Variants in CARMIL1 observed in about 807,000 individuals in gnomAD.
CARMIL1 encodes the protein capping protein regulator and myosin 1 linker 1.
A neutral mutation model predicts 177.1 loss-of-function variants in CARMIL1; 90 were observed. That is an observed-to-expected ratio of 0.51 (90% CI 0.43 to 0.61). The LOEUF is 0.61. CARMIL1 is among the 20% of genes least tolerant of loss of function. The pLI, the probability that CARMIL1 is intolerant of heterozygous loss-of-function variation, is 0.00. For missense variants in CARMIL1, 1,380 were observed against 1,667.0 expected (o/e 0.83, Z 3.00); for synonymous variants, 577 against 606.2 (o/e 0.95, Z 0.71).
intron 2 of CARMIL1, among the ~76,000 whole-genome samples, chr6:25,365,023 C>T (rs763381849): frequency 9.2e-5 from 14 of 152,174 alleles, no homozygotes; most frequent in Non-Finnish European, 1.5e-4. Flanking sequence ...CTGTTTCTAC[C>T]AACACAGTTC....
At chr6:25,562,223 T>C (rs1372697397) in intron 29 of CARMIL1, among the ~76,000 whole-genome samples, 1 of 151,930 alleles carries the variant, frequency 6.6e-6, no homozygotes, top group Non-Finnish European at 1.5e-5. Context: ...TCCAGGGAGC[T>C]TCCAGAGATC....
intron 26 of CARMIL1, among the ~76,000 whole-genome samples, chr6:25,543,493 A>G (rs1206523): frequency 0.45 from 68,017 of 151,858 alleles, 15,416 homozygotes; most frequent in East Asian, 0.49. Flanking sequence ...TGATCCTAAC[A>G]TTCATTCCTG....
At chr6:25,282,072 G>A (rs1781162071) in intron 1 of CARMIL1, among the ~76,000 whole-genome samples, 3 of 131,146 alleles carry the variant, frequency 2.3e-5, no homozygotes, top group African/African-American at 5.9e-5. Flanking sequence ...CCGAGATCAA[G>A]CCATTTCATT....
chr6:25,345,425 G>A (rs193047304), intron 2 of CARMIL1, among the ~76,000 whole-genome samples: 1 of 152,182 alleles, frequency 6.6e-6, no homozygotes, highest in Admixed American at 6.5e-5. Flanking sequence ...TTTGTAGCCT[G>A]GATCTCTCTC....
intron 2 of CARMIL1, among the ~76,000 whole-genome samples, chr6:25,301,728 T>G (rs1324054567): frequency 1.3e-5 from 2 of 152,200 alleles, no homozygotes; most frequent in Non-Finnish European, 2.9e-5. Flanking sequence ...TTAAAAACTT[T>G]CTGTATGTGA....
chr6:25,414,036 T>C (rs1364636459), intron 2 of CARMIL1, among the ~76,000 whole-genome samples: 1 of 152,236 alleles, frequency 6.6e-6, no homozygotes, highest in Non-Finnish European at 1.5e-5. Flanking sequence ...GAAGAGCTGG[T>C]GTTTAGCAAA....
chr6:25,583,993 A>G (rs1183711694), intron 31 of CARMIL1, among the ~76,000 whole-genome samples: 2 of 149,398 alleles, frequency 1.3e-5, no homozygotes, highest in Non-Finnish European at 3.0e-5. Flanking sequence ...GAAAGAGATA[A>G]TCTTATGTAC....
chr6:25,593,075 C>G (rs1471651462), intron 31 of CARMIL1, among the ~76,000 whole-genome samples: 2 of 152,094 alleles, frequency 1.3e-5, no homozygotes, highest in South Asian at 2.1e-4. Flanking sequence ...TCCCACAATA[C>G]CTCAAACACT....
At chr6:25,543,594 G>A (rs922616554) in intron 26 of CARMIL1, among the ~76,000 whole-genome samples, 57 of 152,110 alleles carry the variant, frequency 3.7e-4, no homozygotes, top group African/African-American at 1.2e-3. Flanking sequence ...TAGGGTATTT[G>A]TGTTGGCCTA....
chr6:25,474,365 T>A (rs771880361), intron 11 of CARMIL1, among the ~76,000 whole-genome samples: 28 of 152,202 alleles, frequency 1.8e-4, no homozygotes, highest in Admixed American at 4.6e-4. Context: ...TCCACCCACC[T>A]CGGCCTCCCA....
intron 8 of CARMIL1, among the ~76,000 whole-genome samples, chr6:25,453,549 T>G (rs1165298847): frequency 1.3e-5 from 2 of 152,124 alleles, no homozygotes; most frequent in Non-Finnish European, 2.9e-5. Context: ...GAGCTAAAAT[T>G]TAATAAAATG....
At chr6:25,520,733 G>T (rs1370855507) in intron 23 of CARMIL1, among the ~76,000 whole-genome samples, 1 of 151,986 alleles carries the variant, frequency 6.6e-6, no homozygotes, top group Non-Finnish European at 1.5e-5. Context: ...GAGTATTCCT[G>T]AGCTCTCACT....
In CARMIL1 at chr6:25,408,858, G is replaced by A. The variant is rs562033681; in HGVS notation, c.139-11256G>A. Among the ~76,000 whole-genome samples the A allele has an allele frequency of 2.8e-4, 42 of 151,896 alleles. 1 individual carries two copies. The highest frequency in any genetic ancestry group is 9.7e-4 in the African/African-American group (40 of 41,410). On this transcript the variant is annotated intron_variant, in intron 2 of 36. Coordinates refer to ENST00000329474, the MANE Select transcript of CARMIL1 (RefSeq NM_017640.6). ...AAAAAAGATTTTGAGCCAGGTATTAGCCTCACCTATGAATGAAGTTCAGCA... is the reference window on the plus strand; with the variant it reads ...AAAAAAGATTTTGAGCCAGGTATTAACCTCACCTATGAATGAAGTTCAGCA...
At chr6:25,334,148 AT>A (rs919963199) in intron 2 of CARMIL1, among the ~76,000 whole-genome samples, 2 of 152,188 alleles carry the variant, frequency 1.3e-5, no homozygotes, top group African/African-American at 4.8e-5. Flanking sequence ...AAGATGAGAA[AT>A]TTGTTAGGTA....
intron 29 of CARMIL1, among the ~76,000 whole-genome samples, chr6:25,566,007 CTTTCTA>C (rs1460570371): frequency 6.6e-6 from 1 of 152,092 alleles, no homozygotes; most frequent in Non-Finnish European, 1.5e-5. Flanking sequence ...AGCTTTGTGA[CTTTCTA>C]TTTCTACCCA....
rs1344366839 is a variant in CARMIL1 at position 25,488,464 on chromosome 6, A to T, written c.962-18A>T. 6.2e-7 allele frequency: 1 copy of T among 1,601,062 alleles called. No homozygotes were observed. Among genetic ancestry groups the T allele is most frequent in the Non-Finnish European group, 8.6e-7 (1 of 1,168,132 alleles). On this transcript the variant is annotated intron_variant, in intron 12 of 36. Coordinates refer to ENST00000329474, the MANE Select transcript of CARMIL1 (RefSeq NM_017640.6). Reference sequence around the variant, plus strand: ...TTCCTGGAGTGCAAACTGAGCCTGGATTTTCTTGATGTTGCAGGGGTGAAC... The same window carrying T: ...TTCCTGGAGTGCAAACTGAGCCTGGTTTTTCTTGATGTTGCAGGGGTGAAC...
chr6:25,580,774 T>G, intron 29 of CARMIL1, 150 bp from the exon 30 acceptor site: 1 of 606,846 alleles, frequency 1.6e-6, no homozygotes, highest in Non-Finnish European at 2.9e-6. Context: ...TTAGAAATAG[T>G]TTGGTCTCTT....
At chr6:25,578,598 G>A (rs981679475) in intron 29 of CARMIL1, among the ~76,000 whole-genome samples, 1 of 152,094 alleles carries the variant, frequency 6.6e-6, no homozygotes, top group Non-Finnish European at 1.5e-5. Flanking sequence ...GGAGAAATGA[G>A]ATTGAGTTTT....
At chr6:25,320,105 T>C (rs1784572148) in intron 2 of CARMIL1, among the ~76,000 whole-genome samples, 1 of 152,188 alleles carries the variant, frequency 6.6e-6, no homozygotes, top group Admixed American at 6.5e-5. Context: ...TGGTAGTTTA[T>C]GGCATTTTTC....
Sources: allele counts gnomAD v4.1 joint callset (sites outside exome capture counted in the v4.1 genomes callset), GRCh38; gene constraint gnomAD v4.1.1; transcripts MANE v1.5; gene names NCBI Gene and HGNC (gene_info 2026-07-23, HGNC 2026-07-21).